CDKN2B-AS1: variants seen among roughly 807,000 people sequenced by gnomAD.
CDKN2B-AS1 encodes CDKN2B and CDKN2A antisense cis and trans regulatory RNA 1.
At chr9:22,013,474 G>T (rs141537528) in intron 1 of CDKN2B-AS1, among the ~76,000 whole-genome samples, 2 of 151,850 alleles carry the variant, frequency 1.3e-5, no homozygotes, top group Non-Finnish European at 1.5e-5. Context: ...TAAGGGACAG[G>T]TTTCATTCAC....
intron 1 of CDKN2B-AS1, among the ~76,000 whole-genome samples, chr9:22,045,133 A>G (rs1396804616): frequency 6.6e-6 from 1 of 151,456 alleles, no homozygotes; most frequent in South Asian, 2.1e-4. Flanking sequence ...AAACAGAAGC[A>G]ATAGGATTAA....
intron 1 of CDKN2B-AS1, chr9:22,029,534 C>T (rs1299502834): frequency 1.3e-6 from 1 of 779,110 alleles, no homozygotes; most frequent in African/African-American, 1.7e-5. Flanking sequence ...TCCTGGCCCC[C>T]ATGACTTTCT....
chr9:22,051,798 G>A (rs548770550), intron 3 of CDKN2B-AS1, among the ~76,000 whole-genome samples: 9 of 151,994 alleles, frequency 5.9e-5, no homozygotes, highest in East Asian at 1.9e-4. Context: ...TACTCACATC[G>A]AAACACTCCA....
At chr9:22,089,139 A>G (rs945189478) in intron 4 of CDKN2B-AS1, among the ~76,000 whole-genome samples, 1 of 152,214 alleles carries the variant, frequency 6.6e-6, no homozygotes, top group African/African-American at 2.4e-5. Flanking sequence ...GCACAGGATG[A>G]GCAACAAGAT....
intron 1 of CDKN2B-AS1, among the ~76,000 whole-genome samples, chr9:22,015,400 A>G (rs1258295621): frequency 6.6e-6 from 1 of 152,198 alleles, no homozygotes; most frequent in African/African-American, 2.4e-5. Flanking sequence ...TTTTTAAATC[A>G]GGTAATGTAA....
rs374430420 is a variant in CDKN2B-AS1, at chr9:22,000,649, T to C, written n.29+5488T>C. Among the ~76,000 whole-genome samples, 1 of 152,168 alleles carries C rather than the reference T, an allele frequency of 6.6e-6. No homozygotes were observed. Among genetic ancestry groups the C allele is most frequent in the African/African-American group, 2.4e-5 (1 of 41,456 alleles). On this transcript the variant is annotated intron_variant and non_coding_transcript_variant, in intron 1 of 4. Transcript: ENST00000650946. The surrounding 1 kb of genome is among the most constrained non-coding windows in gnomAD (Gnocchi z 4.1). Reference sequence around the variant, plus strand: ...ACAGTCACCCTCTAGAAGAAAACTCTGTGTTGACAATAATCTGCTGACTTG... The same window carrying C: ...ACAGTCACCCTCTAGAAGAAAACTCCGTGTTGACAATAATCTGCTGACTTG...
At chr9:22,104,202 C>T (rs1454713045) in intron 4 of CDKN2B-AS1, among the ~76,000 whole-genome samples, 1 of 152,038 alleles carries the variant, frequency 6.6e-6, no homozygotes, top group Non-Finnish European at 1.5e-5. Context: ...TATGGCATTG[C>T]CATATCGTGG....
In CDKN2B-AS1 at chr9:21,997,612, AG is replaced by A. The variant is rs1182085568; in HGVS notation, n.29+2453del. On this transcript the variant is annotated intron_variant and non_coding_transcript_variant, in intron 1 of 4. Transcript: ENST00000650946. This position sits in a 1 kb window ranked among gnomAD's most constrained non-coding sequence, Gnocchi z 4.8. ...TTGTTGTTGCAAGACTTGAATCCAA[AG>A]GCAATCTGGAAGCAGAATTTCTTCT... Among the ~76,000 whole-genome samples, 4 of 152,170 alleles carry A rather than the reference AG, an allele frequency of 2.6e-5. No homozygotes were observed. The highest frequency in any genetic ancestry group is 9.7e-5 in the African/African-American group (4 of 41,442).
Position 22,051,232 on chromosome 9 carries a change from T to A in CDKN2B-AS1, n.302+2004T>A, listed in dbSNP as rs1013621473. ...CATTTTGTTGCTTCTGCTACCTGCT[T>A]ATCGTCCAATCCCAATCTCAGATTT... On this transcript the variant is annotated intron_variant and non_coding_transcript_variant, in intron 3 of 4. Transcript: ENST00000650946. Among the ~76,000 whole-genome samples, 5 of 152,302 alleles carry A rather than the reference T, an allele frequency of 3.3e-5. 1 individual carries two copies. The highest frequency in any genetic ancestry group is 1.9e-4 in the East Asian group (1 of 5,180).
At chr9:22,018,410 C>A (rs1380712958) in intron 1 of CDKN2B-AS1, among the ~76,000 whole-genome samples, 2 of 152,064 alleles carry the variant, frequency 1.3e-5, no homozygotes, top group African/African-American at 4.8e-5. Context: ...GTAATCCCAG[C>A]ACTTTGGGAG....
chr9:22,071,591 G>A (rs1489165685), intron 4 of CDKN2B-AS1, among the ~76,000 whole-genome samples: 1 of 151,720 alleles, frequency 6.6e-6, no homozygotes, highest in Admixed American at 6.6e-5. Flanking sequence ...TGTGACCCTG[G>A]GTATTTCTTT....
At chr9:22,066,708 A>G (rs1289604899) in intron 4 of CDKN2B-AS1, among the ~76,000 whole-genome samples, 3 of 152,030 alleles carry the variant, frequency 2.0e-5, no homozygotes, top group East Asian at 2.0e-4. Flanking sequence ...TCGTATTTTA[A>G]TTTTAGCATA....
chr9:22,038,288 A>T (rs1327870460), intron 1 of CDKN2B-AS1, among the ~76,000 whole-genome samples: 1 of 151,850 alleles, frequency 6.6e-6, no homozygotes, highest in African/African-American at 2.4e-5. Context: ...CCTAGAGGAG[A>T]GAGGTGAAAT....
At chr9:22,020,898 A>G (rs1021205803) in intron 1 of CDKN2B-AS1, among the ~76,000 whole-genome samples, 16 of 152,150 alleles carry the variant, frequency 1.1e-4, no homozygotes, top group African/African-American at 2.9e-4. Context: ...GCATTTGTCA[A>G]TTTTTTCTTT....
chr9:21,997,598 A>G lies in CDKN2B-AS1; in HGVS notation n.29+2437A>G, dbSNP rs3218023. Among the ~76,000 whole-genome samples the G allele has an allele frequency of 0.042, 6,429 of 152,192 alleles. 370 individuals are homozygous for G. Among genetic ancestry groups the G allele is most frequent in the African/African-American group, 0.13 (5,462 of 41,480 alleles). ...GACCCAGGGAAGAGTTGTTGTTGCAAGACTTGAATCCAAAGGCAATCTGGA... is the reference window on the plus strand; with the variant it reads ...GACCCAGGGAAGAGTTGTTGTTGCAGGACTTGAATCCAAAGGCAATCTGGA... On this transcript the variant is annotated intron_variant and non_coding_transcript_variant, in intron 1 of 4. Transcript: ENST00000650946. The surrounding 1 kb of genome is among the most constrained non-coding windows in gnomAD (Gnocchi z 4.8).
chr9:22,077,882 A>G (rs565956417), intron 4 of CDKN2B-AS1: 31 of 152,354 alleles, frequency 2.0e-4, no homozygotes, highest in African/African-American at 7.5e-4. Context: ...AATAAAATCT[A>G]TAAACAATAG....
intron 4 of CDKN2B-AS1, among the ~76,000 whole-genome samples, chr9:22,108,106 A>G (rs1825706524): frequency 1.3e-5 from 2 of 152,292 alleles, no homozygotes; most frequent in African/African-American, 2.4e-5. Flanking sequence ...TTTTTGTTAT[A>G]TATTAGTTTG....
chr9:22,079,936 C>T (rs946100761), intron 4 of CDKN2B-AS1, among the ~76,000 whole-genome samples: 1 of 152,170 alleles, frequency 6.6e-6, no homozygotes, highest in Admixed American at 6.5e-5. Context: ...GGTGTGGTTT[C>T]GGTAGAGTCA....
chr9:22,113,494 G>A (rs918587872), intron 4 of CDKN2B-AS1, among the ~76,000 whole-genome samples: 10 of 152,084 alleles, frequency 6.6e-5, no homozygotes, highest in African/African-American at 2.2e-4. Flanking sequence ...AATCACATTC[G>A]CACATTGCAG....
Sources: gnomAD v4.1 joint callset for allele counts (sites outside exome capture counted in the v4.1 genomes callset) on GRCh38, gnomAD v4.1.1 for gene constraint, Gnocchi (gnomAD v3.1) non-coding constraint, MANE v1.5 for transcripts, NCBI Gene and HGNC (gene_info 2026-07-23, HGNC 2026-07-21) for gene names.